SCAI: variants seen among roughly 807,000 people sequenced by gnomAD.
SCAI encodes protein SCAI.
Under a neutral mutation model 92.2 loss-of-function variants are expected in SCAI, and 24 were observed. The observed-to-expected ratio is 0.26, with a 90% confidence interval of 0.19 to 0.37. The LOEUF (loss-of-function observed/expected upper bound fraction) is 0.37. Ranked by LOEUF, SCAI falls within the 10% of genes least tolerant of loss-of-function variation. The probability of loss-of-function intolerance (pLI) is 1.00; values close to 1 mark genes in which losing one functional copy is unlikely to be tolerated. For missense variants in SCAI, 450 were observed against 736.2 expected (o/e 0.61, Z 4.50); for synonymous variants, 261 against 258.6 (o/e 1.01, Z -0.09).
intron 12 of SCAI, 34 bp downstream of exon 12, chr9:125,001,931 C>A: frequency 7.0e-7 from 1 of 1,421,480 alleles, no homozygotes; most frequent in South Asian, 1.2e-5. Flanking sequence ...GAATTCAAGC[C>A]CTGCTCACAA....
At chr9:124,983,690 T>C (rs922613961) in intron 14 of SCAI, among the ~76,000 whole-genome samples, 4 of 152,348 alleles carry the variant, frequency 2.6e-5, no homozygotes, top group African/African-American at 4.8e-5. Context: ...AAATGGTAGA[T>C]TGTGACCCAC....
In SCAI at chr9:124,946,524, C is replaced by T. The variant is rs1831147139; in HGVS notation, c.*6283G>A. 6.6e-6 allele frequency: 1 copy of T among 152,162 alleles called. No individual in the cohort carries two copies. Among genetic ancestry groups the T allele is most frequent in the African/African-American group, 2.4e-5 (1 of 41,432 alleles). The allele number at this position is 152,162 out of a possible 1,614,324, so 9.4% of individuals were successfully genotyped here. On this transcript the variant is annotated 3_prime_UTR_variant, in exon 18 of 18. Transcript: ENST00000336505. This position sits in a 1 kb window ranked among gnomAD's most constrained non-coding sequence, Gnocchi z 4.0. ...TTTTATCATGCAAAAATAACCTCTACTTAATTTCTGCAGTGAATGTATTTA... is the reference window on the plus strand; with the variant it reads ...TTTTATCATGCAAAAATAACCTCTATTTAATTTCTGCAGTGAATGTATTTA...
At chr9:124,961,937 G>T (rs1262094344) in intron 17 of SCAI, among the ~76,000 whole-genome samples, 1 of 150,636 alleles carries the variant, frequency 6.6e-6, no homozygotes, top group East Asian at 2.0e-4. Flanking sequence ...GTTCAGGCAG[G>T]TATCCTTTCC....
At chr9:125,080,861 T>A (rs963867660) in intron 2 of SCAI, among the ~76,000 whole-genome samples, 4 of 152,202 alleles carry the variant, frequency 2.6e-5, no homozygotes, top group African/African-American at 9.6e-5. Context: ...TCCCACGTGT[T>A]GTGGGAGGGA....
intron 2 of SCAI, among the ~76,000 whole-genome samples, chr9:125,125,528 C>CAA (rs113419361): frequency 1.4e-5 from 2 of 138,594 alleles, no homozygotes; most frequent in African/African-American, 2.6e-5. Flanking sequence ...ACTCCATCTC[C>CAA]AAAAAAAAAA....
At chr9:125,000,260 T>C (rs948355453) in intron 12 of SCAI, among the ~76,000 whole-genome samples, 3 of 152,226 alleles carry the variant, frequency 2.0e-5, no homozygotes, top group African/African-American at 7.2e-5. Context: ...TATGGCATCA[T>C]TATTCTAAGT....
chr9:125,039,173 G>A (rs1002320270), intron 3 of SCAI, among the ~76,000 whole-genome samples: 3 of 152,052 alleles, frequency 2.0e-5, no homozygotes, highest in Non-Finnish European at 2.9e-5. Flanking sequence ...AGGTCACAAG[G>A]TCAAGAGAGC....
At chr9:124,954,301 C>A (rs1173578264) in intron 17 of SCAI, among the ~76,000 whole-genome samples, 1 of 152,284 alleles carries the variant, frequency 6.6e-6, no homozygotes, top group African/African-American at 2.4e-5. Context: ...GCAGAATACA[C>A]TGAATTCTTT....
intron 17 of SCAI, among the ~76,000 whole-genome samples, chr9:124,953,211 C>T (rs551319468): frequency 6.5e-4 from 99 of 152,244 alleles, no homozygotes; most frequent in African/African-American, 2.4e-3. Context: ...TGTTGCTAGA[C>T]ACTATGCTCT....
chr9:125,064,982 G>A (rs936290342), intron 2 of SCAI, among the ~76,000 whole-genome samples: 4 of 152,076 alleles, frequency 2.6e-5, no homozygotes, highest in Non-Finnish European at 5.9e-5. Context: ...AAAGCTTATA[G>A]ATACAGATAA....
At position 125,009,293 on chromosome 9, in the gene SCAI, G is replaced by A. The variant is rs1470974433; in HGVS notation, c.862-5723C>T. 5.9e-5 allele frequency among the ~76,000 whole-genome samples: 9 copies of A among 152,168 alleles called. No individual in the cohort carries two copies. The South Asian group carries it at 8.3e-4, about 14-fold the overall frequency. On this transcript the variant is annotated intron_variant, in intron 9 of 17. Transcript: ENST00000336505. ...TTATTTTATTTATTTATTTAGAGAC[G>A]GAGTCTTCTTCTGTTGCCCAGGCTG...
intron 2 of SCAI, among the ~76,000 whole-genome samples, chr9:125,132,859 G>A (rs981630387): frequency 6.6e-6 from 1 of 152,134 alleles, no homozygotes; most frequent in Non-Finnish European, 1.5e-5. Flanking sequence ...CAGCTACTCA[G>A]GAGGCTGAGG....
In SCAI at chr9:125,063,110, C is replaced by CCA. The variant is rs749108740; in HGVS notation, c.99-7104_99-7103insTG. ...TTTAATTATAACCCCCCACCCCCCC[C>CCA]AGAAAAGGGCAAGATTAGGCCCAGC... On this transcript the variant is annotated intron_variant, in intron 2 of 17. Transcript: ENST00000336505. 2.0e-3 allele frequency among the ~76,000 whole-genome samples: 294 copies of CCA among 145,028 alleles called. 1 individual carries two copies. Among genetic ancestry groups the CCA allele is most frequent in the Non-Finnish European group, 3.5e-3 (235 of 66,788 alleles).
chr9:125,101,422 C>T (rs1038225571), intron 2 of SCAI, among the ~76,000 whole-genome samples: 2 of 152,148 alleles, frequency 1.3e-5, no homozygotes, highest in African/African-American at 4.8e-5. Flanking sequence ...AGAGCTGAGA[C>T]TTACCAATGG....
chr9:125,019,252 AAC>A, intron 7 of SCAI, 47 bp from the exon 8 acceptor site: 1 of 1,080,278 alleles, frequency 9.3e-7, no homozygotes. Flanking sequence ...AACCCATAAA[AAC>A]ACACAGCCAT....
At position 124,971,410 on chromosome 9, in the gene SCAI, A is replaced by G; in HGVS notation, c.1634T>C (p.Ile545Thr). The G allele has an allele frequency of 1.9e-6, 3 of 1,613,080 alleles. No individual in the cohort carries two copies. Among genetic ancestry groups the G allele is most frequent in the Non-Finnish European group, 8.5e-7 (1 of 1,179,720 alleles). Residue 545 changes from isoleucine to threonine, a missense_variant, in exon 17 of 18, where the codon ATC becomes ACC. Physicochemically the swap from Ile to Thr is moderately conservative, Grantham distance 89 (BLOSUM62 -1). Transcript: ENST00000336505. The stretch of plus-strand genomic sequence containing the variant: ...CATCCTCATGGTGGCTGAACAAAAG[A>G]TAAATCTTGTGAGGAGCAAGCGAAG... Reference protein sequence around the residue: ...EFLRLLLTRFIFCSATMRMHK... With the variant: ...EFLRLLLTRFTFCSATMRMHK...
At chr9:125,105,342 A>T (rs546799936) in intron 2 of SCAI, among the ~76,000 whole-genome samples, 3 of 152,362 alleles carry the variant, frequency 2.0e-5, no homozygotes, top group African/African-American at 7.2e-5. Context: ...TGCAACAGTA[A>T]ATAAGGAAAG....
chr9:125,091,847 C>T lies in SCAI; in HGVS notation c.99-35840G>A, dbSNP rs1834433489. On this transcript the variant is annotated intron_variant, in intron 2 of 17. Coordinates refer to ENST00000336505, the MANE Select transcript of SCAI (RefSeq NM_001144877.3). The surrounding 1 kb of genome is among the most constrained non-coding windows in gnomAD (Gnocchi z 4.3). Reference sequence around the variant, plus strand: ...GAGGCTTGGGCCGGGCACAGTGGCTCACGCCTGTAATCCCAGCACTGCGGG... The same window carrying T: ...GAGGCTTGGGCCGGGCACAGTGGCTTACGCCTGTAATCCCAGCACTGCGGG... Among the ~76,000 whole-genome samples, 2 of 152,318 alleles carry T rather than the reference C, an allele frequency of 1.3e-5. No individual in the cohort carries two copies. Among genetic ancestry groups the T allele is most frequent in the Admixed American group, 1.3e-4 (2 of 15,300 alleles).
intron 2 of SCAI, among the ~76,000 whole-genome samples, chr9:125,123,495 G>A: frequency 6.6e-6 from 1 of 151,688 alleles, no homozygotes; most frequent in African/African-American, 2.4e-5. Flanking sequence ...CTAACTGGCA[G>A]GCCGGGTGTG....
Sources: gnomAD v4.1 joint callset for allele counts (sites outside exome capture counted in the v4.1 genomes callset) on GRCh38, gnomAD v4.1.1 for gene constraint, Gnocchi (gnomAD v3.1) non-coding constraint, MANE v1.5 for transcripts, NCBI Gene and HGNC (gene_info 2026-07-23, HGNC 2026-07-21) for gene names.